The following MVB12B variants were observed in gnomAD, a reference collection of about 807,000 sequenced individuals.
MVB12B encodes ESCRT-I complex subunit MVB12B.
Under a neutral mutation model 41.6 loss-of-function variants are expected in MVB12B, and 16 were observed. The ratio of observed to expected loss-of-function variants is 0.38; its 90% CI spans 0.26 to 0.58. MVB12B has a LOEUF of 0.58. Among genes scored for constraint, MVB12B ranks in the 20% least tolerant of loss-of-function variants. MVB12B has a pLI of 0.62. For missense variants in MVB12B, 274 were observed against 380.2 expected (o/e 0.72, Z 2.32); for synonymous variants, 133 against 139.7 (o/e 0.95, Z 0.34).
chr9:126,427,366 T>C, intron 7 of MVB12B, among the ~76,000 whole-genome samples: 1 of 152,188 alleles, frequency 6.6e-6, no homozygotes, highest in South Asian at 2.1e-4. Flanking sequence ...AAGACAGATC[T>C]TCCCTGACCC....
intron 6 of MVB12B, among the ~76,000 whole-genome samples, chr9:126,410,172 T>TGTGTGC (rs58568577): frequency 6.3e-5 from 8 of 127,676 alleles, no homozygotes; most frequent in Admixed American, 3.9e-4. Context: ...TGTGTGTGTG[T>TGTGTGC]GCACGCATGC....
chr9:126,442,510 A>T (rs1832665162), intron 7 of MVB12B, among the ~76,000 whole-genome samples: 1 of 152,182 alleles, frequency 6.6e-6, no homozygotes, highest in Non-Finnish European at 1.5e-5. Flanking sequence ...ACCCCTCCAG[A>T]TCACAATGGC....
intron 2 of MVB12B, among the ~76,000 whole-genome samples, chr9:126,375,345 T>G (rs1350761989): frequency 6.7e-6 from 1 of 148,850 alleles, no homozygotes; most frequent in Non-Finnish European, 1.5e-5. Flanking sequence ...AAATGTCTTT[T>G]TAATTTTTAA....
chr9:126,477,232 A>G (rs1199698902), intron 7 of MVB12B, among the ~76,000 whole-genome samples: 1 of 152,198 alleles, frequency 6.6e-6, no homozygotes, highest in Non-Finnish European at 1.5e-5. Flanking sequence ...ATCACTCACT[A>G]CCGTGAGAAC....
In MVB12B at chr9:126,376,730, C is replaced by G. The variant is rs1272034442; in HGVS notation, c.205-4334C>G. 4 of 1,244,594 alleles carry G rather than the reference C, an allele frequency of 3.2e-6. No individual in the cohort carries two copies. In the Admixed American group the frequency reaches 7.3e-5, roughly 23 times the overall value. The allele number at this position is 1,244,594 out of a possible 1,614,324, so 77.1% of individuals were successfully genotyped here. Reference sequence around the variant, plus strand: ...CACTCTGAAGTTGCACCTCCTCCCCCACCTCCTCCTGACCTCCAGCCTCCT... The same window carrying G: ...CACTCTGAAGTTGCACCTCCTCCCCGACCTCCTCCTGACCTCCAGCCTCCT... On this transcript the variant is annotated intron_variant, in intron 2 of 9. Coordinates refer to ENST00000361171, the MANE Select transcript of MVB12B (RefSeq NM_033446.3). The surrounding 1 kb of genome is among the most constrained non-coding windows in gnomAD (Gnocchi z 4.1).
At chr9:126,416,225 T>C (rs1002923795) in intron 6 of MVB12B, among the ~76,000 whole-genome samples, 51 of 152,166 alleles carry the variant, frequency 3.4e-4, no homozygotes, top group African/African-American at 1.1e-3. Context: ...GGGAGTAGGA[T>C]TGAAGCTCGC....
At chr9:126,330,531 TC>T (rs745484184) in intron 1 of MVB12B, among the ~76,000 whole-genome samples, 16 of 152,278 alleles carry the variant, frequency 1.1e-4, no homozygotes, top group Admixed American at 5.2e-4. Context: ...GAATCTGCAG[TC>T]TTAACAGACA....
chr9:126,417,202 C>T (rs1831850909), intron 6 of MVB12B, among the ~76,000 whole-genome samples: 1 of 152,224 alleles, frequency 6.6e-6, no homozygotes, highest in Non-Finnish European at 1.5e-5. Context: ...ACTGCTGTCC[C>T]TTACCCACTC....
intron 2 of MVB12B, among the ~76,000 whole-genome samples, chr9:126,357,199 G>T (rs1162951263): frequency 1.3e-5 from 2 of 152,118 alleles, no homozygotes; most frequent in Admixed American, 1.3e-4. Flanking sequence ...GTGTGTCCTT[G>T]TTTGTTTGTT....
chr9:126,453,864 C>T (rs1264267678), intron 7 of MVB12B, among the ~76,000 whole-genome samples: 1 of 152,206 alleles, frequency 6.6e-6, no homozygotes, highest in Non-Finnish European at 1.5e-5. Context: ...CTCTCTGGAT[C>T]ATCAAGGATA....
rs535174560 is a variant in MVB12B at position 126,483,878 on chromosome 9, C to T, written c.814-95C>T. The T allele has an allele frequency of 6.0e-5, 77 of 1,284,336 alleles. No homozygotes were observed. The South Asian group carries it at 8.6e-4, about 14-fold the overall frequency. 79.6% of individuals were successfully genotyped at this position (1,284,336 alleles called of 1,614,324 possible). ...TGGGTAGAGAAACGCTAGATCACAC[C>T]GTGGCTTGAGGTGTTACCATTGTCA... On this transcript the variant is annotated intron_variant, in intron 8 of 9. Coordinates refer to ENST00000361171, the MANE Select transcript of MVB12B (RefSeq NM_033446.3).
intron 4 of MVB12B, among the ~76,000 whole-genome samples, chr9:126,387,924 A>G (rs1481638534): frequency 6.6e-6 from 1 of 152,256 alleles, no homozygotes; most frequent in Non-Finnish European, 1.5e-5. Flanking sequence ...GTCTTACTCC[A>G]GCCACACTTT....
At chr9:126,456,980 G>A (rs970562816) in intron 7 of MVB12B, among the ~76,000 whole-genome samples, 9 of 152,160 alleles carry the variant, frequency 5.9e-5, no homozygotes, top group African/African-American at 2.2e-4. Context: ...GTCTGCTCAT[G>A]CCCTCACCCC....
chr9:126,389,989 A>G lies in MVB12B; in HGVS notation c.410-2077A>G, dbSNP rs1412375030. On this transcript the variant is annotated intron_variant, in intron 4 of 9. Transcript: ENST00000361171. This position sits in a 1 kb window ranked among gnomAD's most constrained non-coding sequence, Gnocchi z 4.4. ...ACCCTACCCCCCTCAAAATATAATA[A>G]CAAAACAATTCCACTGATTTTCTTG... is the stretch of plus-strand genomic sequence containing the variant. Among the ~76,000 whole-genome samples the G allele has an allele frequency of 3.3e-5, 5 of 152,228 alleles. No homozygotes were observed. The highest frequency in any genetic ancestry group is 3.3e-4 in the Admixed American group (5 of 15,292).
At chr9:126,342,008 A>C (rs188756109) in intron 2 of MVB12B, among the ~76,000 whole-genome samples, 1 of 152,376 alleles carries the variant, frequency 6.6e-6, no homozygotes, top group East Asian at 1.9e-4. Context: ...TCTGACAAAC[A>C]TTTCAGTCTT....
At chr9:126,416,847 G>A (rs1831841591) in intron 6 of MVB12B, among the ~76,000 whole-genome samples, 1 of 152,162 alleles carries the variant, frequency 6.6e-6, no homozygotes, top group African/African-American at 2.4e-5. Flanking sequence ...CCCACGCTGG[G>A]GAACTGGAAT....
intron 1 of MVB12B, among the ~76,000 whole-genome samples, chr9:126,327,760 C>T (rs1386816264): frequency 1.3e-5 from 2 of 152,304 alleles, no homozygotes; most frequent in South Asian, 2.1e-4. Flanking sequence ...AATCAGCAGC[C>T]CTTCTCACCA....
Position 126,376,699 on chromosome 9 carries a change from C to T in MVB12B, c.205-4365C>T, listed in dbSNP as rs537771988. Reference sequence around the variant, plus strand: ...GTACGCTTGGTTACTCAATTACCCTCGTTTCCACTCTGAAGTTGCACCTCC... The same window carrying T: ...GTACGCTTGGTTACTCAATTACCCTTGTTTCCACTCTGAAGTTGCACCTCC... On this transcript the variant is annotated intron_variant, in intron 2 of 9. Coordinates refer to ENST00000361171, the MANE Select transcript of MVB12B (RefSeq NM_033446.3). This position sits in a 1 kb window ranked among gnomAD's most constrained non-coding sequence, Gnocchi z 4.1. 7 of 1,267,178 alleles carry T rather than the reference C, an allele frequency of 5.5e-6. No homozygotes were observed. The highest frequency in any genetic ancestry group is 5.1e-5 in the South Asian group (4 of 78,218). The allele number at this position is 1,267,178 out of a possible 1,614,324, so 78.5% of individuals were successfully genotyped here. A position where few individuals can be genotyped will look rare whatever the true frequency, so the allele number is the denominator to read the frequency against.
At chr9:126,454,831 A>C (rs1162236900) in intron 7 of MVB12B, among the ~76,000 whole-genome samples, 1 of 151,830 alleles carries the variant, frequency 6.6e-6, no homozygotes, top group African/African-American at 2.4e-5. Flanking sequence ...TCCTTAATCA[A>C]TGTTCTTTAA....
Sources: allele counts gnomAD v4.1 joint callset (sites outside exome capture counted in the v4.1 genomes callset), GRCh38; gene constraint gnomAD v4.1.1; non-coding constraint Gnocchi (gnomAD v3.1); transcripts MANE v1.5; gene names NCBI Gene and HGNC (gene_info 2026-07-23, HGNC 2026-07-21).